Variants in PI4K2A observed in about 807,000 individuals in gnomAD.
PI4K2A encodes phosphatidylinositol 4-kinase type 2-alpha.
A neutral mutation model predicts 55.0 loss-of-function variants in PI4K2A; 20 were observed. The observed-to-expected ratio is 0.36, with a 90% CI of 0.26 to 0.53. PI4K2A has a LOEUF of 0.53. PI4K2A is among the 20% of genes least tolerant of loss of function. The pLI is 0.91. For missense variants in PI4K2A, 463 were observed against 637.1 expected, an observed-to-expected ratio of 0.73 and a Z score of 2.94; for synonymous variants, 235 against 258.5, an observed-to-expected ratio of 0.91 and a Z score of 0.87.
chr10:97,657,026 G>A, intron 4 of PI4K2A, 52 bp downstream of exon 4: 1 of 1,592,352 alleles, frequency 6.3e-7, no homozygotes. Context: ...GTTGAGGCAT[G>A]GGGAGGCCTG....
intron 1 of PI4K2A, among the ~76,000 whole-genome samples, chr10:97,643,410 G>A (rs567096074): frequency 5.1e-4 from 77 of 151,994 alleles, no homozygotes; most frequent in South Asian, 4.1e-4. Flanking sequence ...CACTGTTAGA[G>A]CTGCATTGGA....
chr10:97,657,898 C>T (rs767643884), intron 4 of PI4K2A, among the ~76,000 whole-genome samples: 32 of 152,030 alleles, frequency 2.1e-4, no homozygotes, highest in Non-Finnish European at 3.8e-4. Context: ...TGCAATGGTG[C>T]GATCTCAGCT....
intron 4 of PI4K2A, among the ~76,000 whole-genome samples, chr10:97,659,623 T>G (rs1053190749): frequency 1.3e-5 from 2 of 152,094 alleles, no homozygotes; most frequent in African/African-American, 2.4e-5. Flanking sequence ...TTCACCATTA[T>G]GATGTTAGGG....
chr10:97,656,877 G>A lies in PI4K2A; in HGVS notation c.825G>A (p.Arg275=). Reference sequence around the variant, plus strand: ...ACAAAGATGCAGACTATTGGCTGCGGCGTTTTGAAGCAGAACCTCTTCCTG... The same window carrying A: ...ACAAAGATGCAGACTATTGGCTGCGACGTTTTGAAGCAGAACCTCTTCCTG... The change falls in exon 4 of 9, where the codon CGG becomes CGA. Residue 275 remains arginine (R), a synonymous_variant. Transcript: ENST00000370631. This position sits in a 1 kb window ranked among gnomAD's most constrained non-coding sequence, Gnocchi z 4.5. The A allele has an allele frequency of 6.2e-7, 1 of 1,614,114 alleles. No individual in the cohort carries two copies. The highest frequency in any genetic ancestry group is 8.5e-7 in the Non-Finnish European group (1 of 1,179,978).
intron 8 of PI4K2A, among the ~76,000 whole-genome samples, chr10:97,671,856 T>C (rs2041637087): frequency 6.6e-6 from 1 of 151,946 alleles, no homozygotes. Context: ...TGTATTTTTG[T>C]AGAGACAGGC....
At chr10:97,653,677 G>A (rs746959584) in intron 2 of PI4K2A, among the ~76,000 whole-genome samples, 4 of 152,228 alleles carry the variant, frequency 2.6e-5, no homozygotes, top group Non-Finnish European at 5.9e-5. Context: ...AGCACTTTGG[G>A]AGGCCTAAGT....
At chr10:97,658,916 T>A (rs941854205) in intron 4 of PI4K2A, among the ~76,000 whole-genome samples, 1 of 152,144 alleles carries the variant, frequency 6.6e-6, no homozygotes, top group African/African-American at 2.4e-5. Context: ...TATTTTTGAA[T>A]TTTTTTTGGT....
chr10:97,658,426 C>A (rs2041566118), intron 4 of PI4K2A, among the ~76,000 whole-genome samples: 1 of 152,144 alleles, frequency 6.6e-6, no homozygotes, highest in Admixed American at 6.5e-5. Flanking sequence ...TTTTGTCTAT[C>A]CATTTATCTT....
At chr10:97,674,067 T>C in exon 9 of PI4K2A, 1 of 254,676 alleles carries the variant, frequency 3.9e-6, no homozygotes, top group Non-Finnish European at 7.5e-6. Flanking sequence ...CTATTGCAAT[T>C]CCCTATTATA....
chr10:97,661,200 C>G (rs1589936390), intron 4 of PI4K2A, among the ~76,000 whole-genome samples: 1 of 151,790 alleles, frequency 6.6e-6, no homozygotes, highest in East Asian at 1.9e-4. Flanking sequence ...ACCGTGTTAG[C>G]CAGGATGGTC....
intron 2 of PI4K2A, among the ~76,000 whole-genome samples, chr10:97,652,788 T>G (rs1254794128): frequency 2.0e-5 from 3 of 152,248 alleles, no homozygotes; most frequent in African/African-American, 7.2e-5. Flanking sequence ...CAGAGACCAC[T>G]TCTCAAGATT....
chr10:97,672,157 C>T (rs553577445), intron 8 of PI4K2A, among the ~76,000 whole-genome samples: 57 of 151,948 alleles, frequency 3.8e-4, no homozygotes, highest in Non-Finnish European at 6.8e-4. Context: ...ATTCTCCTGC[C>T]TCAGCCTCCC....
intron 2 of PI4K2A, among the ~76,000 whole-genome samples, chr10:97,652,620 T>C (rs2041534860): frequency 6.6e-6 from 1 of 152,094 alleles, no homozygotes; most frequent in Non-Finnish European, 1.5e-5. Flanking sequence ...TCTTCTCAGG[T>C]TTAGATAGCA....
intron 6 of PI4K2A, 72 bp downstream of exon 6, chr10:97,665,056 A>T: frequency 1.1e-6 from 1 of 887,308 alleles, no homozygotes; most frequent in Non-Finnish European, 1.9e-6. Flanking sequence ...AGTGGAGATG[A>T]TAATGTCTCT....
chr10:97,663,784 C>T (rs1383930052), intron 5 of PI4K2A, among the ~76,000 whole-genome samples: 1 of 146,658 alleles, frequency 6.8e-6, no homozygotes, highest in African/African-American at 2.5e-5. Context: ...CACACCATTG[C>T]ATTCCAGCCC....
intron 1 of PI4K2A, among the ~76,000 whole-genome samples, chr10:97,650,013 G>A (rs547376530): frequency 3.3e-5 from 5 of 151,916 alleles, no homozygotes; most frequent in Admixed American, 6.6e-5. Flanking sequence ...ATGTAACTTC[G>A]GAAATTAGAG....
At chr10:97,663,676 C>T (rs1228433589) in intron 5 of PI4K2A, among the ~76,000 whole-genome samples, 7 of 151,414 alleles carry the variant, frequency 4.6e-5, no homozygotes, top group Admixed American at 1.3e-4. Flanking sequence ...AAAAATTAGC[C>T]GGGCATGATG....
exon 9 of PI4K2A, chr10:97,673,917 A>C: frequency 3.3e-6 from 2 of 605,212 alleles, no homozygotes; most frequent in Admixed American, 3.0e-5. Context: ...AATCAGGAAC[A>C]GTGAGTGCTC....
At chr10:97,666,603 T>A (rs1194825167) in intron 7 of PI4K2A, 32 bp downstream of exon 7, 2 of 1,561,084 alleles carry the variant, frequency 1.3e-6, no homozygotes, top group East Asian at 2.3e-5. Context: ...CCTATTATCA[T>A]ATGGGAGAAG....
Sources: allele counts gnomAD v4.1 joint callset (sites outside exome capture counted in the v4.1 genomes callset), GRCh38; gene constraint gnomAD v4.1.1; non-coding constraint Gnocchi (gnomAD v3.1); transcripts MANE v1.5; gene names NCBI Gene and HGNC (gene_info 2026-07-23, HGNC 2026-07-21).